The following NUP205 variants were observed in gnomAD, a reference collection of about 807,000 sequenced individuals.
The protein encoded by NUP205 is nucleoporin 205.
A neutral mutation model predicts 253.8 loss-of-function variants in NUP205; 76 were observed. That is an observed-to-expected ratio of 0.30 (90% CI 0.25 to 0.36). NUP205 has a LOEUF of 0.36. NUP205 is among the 10% of genes least tolerant of loss of function. NUP205 has a pLI of 1.00. For synonymous variants in NUP205, 832 were observed against 850.1 expected (o/e 0.98, Z 0.37); for missense variants, 2,162 against 2,425.5 (o/e 0.89, Z 2.28).
chr7:135,585,067 C>T, intron 8 of NUP205, 60 bp downstream of exon 8: 2 of 1,359,050 alleles, frequency 1.5e-6, no homozygotes, highest in African/African-American at 1.5e-5. Flanking sequence ...TAATTTAAAA[C>T]TGATTAACCA....
At chr7:135,587,448 A>G (rs902087318) in intron 8 of NUP205, 127 bp from the exon 9 acceptor site, 2 of 447,474 alleles carry the variant, frequency 4.5e-6, no homozygotes, top group Non-Finnish European at 4.0e-6. Context: ...CATGTCACCT[A>G]AAGTGGAATA....
At chr7:135,576,228 A>G (rs769277899) in intron 3 of NUP205, 42 bp from the exon 4 acceptor site, 11 of 1,564,858 alleles carry the variant, frequency 7.0e-6, no homozygotes, top group Non-Finnish European at 9.7e-6. Flanking sequence ...CTAAACACAT[A>G]CGTGTTTATT....
intron 20 of NUP205, among the ~76,000 whole-genome samples, chr7:135,606,506 A>G (rs1584668792): frequency 1.3e-5 from 2 of 152,326 alleles, no homozygotes; most frequent in South Asian, 2.1e-4. Flanking sequence ...AATATTCTAA[A>G]ATTCAAAAAA....
intron 33 of NUP205, among the ~76,000 whole-genome samples, chr7:135,627,316 CTTG>C (rs1282259445): frequency 6.6e-6 from 1 of 152,126 alleles, no homozygotes; most frequent in Non-Finnish European, 1.5e-5. Context: ...ACTCTTAAAT[CTTG>C]TTTTATTTTT....
intron 3 of NUP205, among the ~76,000 whole-genome samples, chr7:135,575,818 A>G (rs1475648543): frequency 6.6e-6 from 1 of 152,148 alleles, no homozygotes; most frequent in East Asian, 1.9e-4. Flanking sequence ...CATTCAAAGG[A>G]GAGTAGTTAA....
chr7:135,597,055 G>A (rs1339743244), intron 13 of NUP205, among the ~76,000 whole-genome samples: 1 of 152,016 alleles, frequency 6.6e-6, no homozygotes, highest in Non-Finnish European at 1.5e-5. Context: ...TTGAACACTG[G>A]TGAGATTTCA....
intron 35 of NUP205, among the ~76,000 whole-genome samples, chr7:135,631,069 G>A (rs79100776): frequency 0.16 from 23,939 of 151,204 alleles, 2,051 homozygotes; most frequent in East Asian, 0.19. Context: ...TTATGTGTAC[G>A]TACATATGAG....
At chr7:135,600,220 G>A (rs1194343116) in intron 15 of NUP205, among the ~76,000 whole-genome samples, 1 of 152,138 alleles carries the variant, frequency 6.6e-6, no homozygotes, top group Non-Finnish European at 1.5e-5. Context: ...TTTGGCATAA[G>A]TATTTTTCTT....
intron 37 of NUP205, 94 bp from the exon 38 acceptor site, chr7:135,638,443 ATGTGAGTCATTTTACAAATT>A: frequency 1.1e-5 from 9 of 805,626 alleles, no homozygotes; most frequent in African/African-American, 6.9e-5. Flanking sequence ...GAATACACAG[ATGTGAGTCATTTTACAAATT>A]GATTGATAAC....
At position 135,617,696 on chromosome 7, in the gene NUP205, A is replaced by G. The variant is rs756267859; in HGVS notation, c.3771+14A>G. On this transcript the variant is annotated intron_variant, in intron 27 of 42. Transcript: ENST00000285968. Reference sequence around the variant, plus strand: ...CTACTAATGGAGGTAAGCTCTATTGAGTATGTGTTCGTTTCAAACTTCTAA... The same window carrying G: ...CTACTAATGGAGGTAAGCTCTATTGGGTATGTGTTCGTTTCAAACTTCTAA... 6.5e-7 allele frequency: 1 copy of G among 1,545,416 alleles called. No individual in the cohort carries two copies. The highest frequency in any genetic ancestry group is 8.9e-7 in the Non-Finnish European group (1 of 1,120,964).
chr7:135,619,541 G>A lies in NUP205; in HGVS notation c.4082G>A (p.Gly1361Glu). ...LTEQKETSVL[G>E]PAEAHYAFML... ...GAACAGAAGGAAACATCAGTCTTGG[G>A]ACCAGCAGAGGCCCATTACGCTTTT... is the stretch of plus-strand genomic sequence containing the variant. The change falls in exon 29 of 43, where the codon GGA (glycine) becomes GAA (glutamate). Residue 1361 changes from glycine (G) to glutamate (E), a missense_variant. Gly to Glu is a moderately conservative substitution (Grantham distance 98). This residue lies in a region of NUP205 where 1,144 missense variants were observed against 1,280.9 expected (regional missense o/e 0.89). Coordinates refer to ENST00000285968, the MANE Select transcript of NUP205 (RefSeq NM_015135.3). 1 of 1,614,084 alleles carries A rather than the reference G, an allele frequency of 6.2e-7. No individual in the cohort carries two copies. The highest frequency in any genetic ancestry group is 8.5e-7 in the Non-Finnish European group (1 of 1,180,006).
intron 3 of NUP205, among the ~76,000 whole-genome samples, chr7:135,575,516 G>T (rs1806128033): frequency 6.6e-6 from 1 of 152,196 alleles, no homozygotes; most frequent in South Asian, 2.1e-4. Flanking sequence ...GTGAAACTTA[G>T]CCAGGCGTGG....
chr7:135,588,798 G>A (rs1164558201), intron 10 of NUP205, among the ~76,000 whole-genome samples: 3 of 151,334 alleles, frequency 2.0e-5, no homozygotes, highest in African/African-American at 7.3e-5. Context: ...ATTCTTAGAC[G>A]TTTTAATTGA....
chr7:135,636,940 AG>A (rs765036601), intron 36 of NUP205, among the ~76,000 whole-genome samples: 4 of 152,180 alleles, frequency 2.6e-5, no homozygotes, highest in Non-Finnish European at 4.4e-5. Context: ...TAGGAGGCAG[AG>A]GTTGCAGTGA....
At chr7:135,566,043 A>G (rs1046790405) in intron 1 of NUP205, among the ~76,000 whole-genome samples, 2 of 152,126 alleles carry the variant, frequency 1.3e-5, no homozygotes, top group African/African-American at 2.4e-5. Context: ...TTATTCTCTA[A>G]TCAAATTCAG....
chr7:135,597,313 A>G, intron 13 of NUP205, 55 bp from the exon 14 acceptor site: 3 of 1,278,504 alleles, frequency 2.3e-6, no homozygotes, highest in Non-Finnish European at 3.4e-6. Flanking sequence ...CAAAGCCACT[A>G]ATATTCATTG....
chr7:135,606,027 C>T, intron 19 of NUP205, 118 bp from the exon 20 acceptor site: 1 of 675,000 alleles, frequency 1.5e-6, no homozygotes. Flanking sequence ...AACGTAAATA[C>T]CTAAGCAGGT....
rs1027223449 is a variant in NUP205, at chr7:135,580,473, T to C, written c.1042+1558T>C. Among the ~76,000 whole-genome samples the C allele has an allele frequency of 4.6e-5, 7 of 152,168 alleles. No homozygotes were observed. In the East Asian group the frequency reaches 1.2e-3, roughly 25 times the overall value. On this transcript the variant is annotated intron_variant, in intron 7 of 42. Transcript: ENST00000285968. ...GCTATGTGATAGTTAATATCTTCTT[T>C]TTTTATTTTGGAGATGGAGTCTCGT...
In NUP205 at chr7:135,606,847, A is replaced by G. The variant is rs778243899; in HGVS notation, c.3002A>G (p.Asn1001Ser). 6.8e-5 allele frequency: 109 copies of G among 1,613,832 alleles called. No individual in the cohort carries two copies. Among genetic ancestry groups the G allele is most frequent in the East Asian group, 6.2e-4 (28 of 44,866 alleles). ...LITSLECNPP[N>S]LALYLLGFEL... ...ACCTCTCTGGAATGCAATCCACCCA[A>G]TCTTGCTCTCTACCTGTTGGGCTTT... Residue 1001 changes from asparagine (N) to serine (S), a missense_variant, in exon 21 of 43, where the codon AAT (asparagine) becomes AGT (serine). By Grantham distance (46) the Asn-to-Ser change is conservative. Transcript: ENST00000285968.
Sources: allele counts gnomAD v4.1 joint callset (sites outside exome capture counted in the v4.1 genomes callset), GRCh38; gene constraint gnomAD v4.1.1; regional missense constraint gnomAD v4.1.1; transcripts MANE v1.5; gene names NCBI Gene and HGNC (gene_info 2026-07-23, HGNC 2026-07-21).